LRP4: variants seen among roughly 807,000 people sequenced by gnomAD.
LRP4 encodes the protein LDL receptor related protein 4.
A neutral mutation model predicts 220.3 loss-of-function variants in LRP4; 95 were observed. The observed-to-expected ratio is 0.43, with a 90% CI of 0.37 to 0.51. The LOEUF is 0.51. LRP4 is among the 20% of genes least tolerant of loss of function. The probability of loss-of-function intolerance (pLI) is 0.00; values close to 1 mark genes in which losing one functional copy is unlikely to be tolerated. For missense variants in LRP4, 1,925 were observed against 2,567.0 expected (o/e 0.75, Z 5.40); for synonymous variants, 903 against 954.6 (o/e 0.95, Z 1.00).
At chr11:46,912,601 T>C (rs536620237) in intron 1 of LRP4, among the ~76,000 whole-genome samples, 4 of 152,224 alleles carry the variant, frequency 2.6e-5, no homozygotes, top group Non-Finnish European at 5.9e-5. Flanking sequence ...AAGCTGTCTC[T>C]TGTCCTCATC....
rs72897663 is a variant in LRP4 at position 46,894,628 on chromosome 11, T to G, written c.1501A>C (p.Asn501His). The change falls in exon 12 of 38, where the codon AAC becomes CAC. Residue 501 changes from asparagine to histidine, a missense_variant. Asn to His is a moderately conservative substitution (Grantham distance 68, BLOSUM62 1). This residue lies in a region of LRP4 where 269 missense variants were observed against 436.7 expected (regional missense o/e 0.62). Transcript: ENST00000378623. The stretch of plus-strand genomic sequence containing the variant: ...CCAGTAGACACAACCTCCTCCACGT[T>G]GCTGCCGTTGAGGTTGGCACGGAGG... ...RILRANLNGS[N>H]VEEVVSTGLE... 0.039 allele frequency: 62,738 copies of G among 1,613,212 alleles called. 1,459 individuals carry two copies. Among genetic ancestry groups the G allele is most frequent in the Middle Eastern group, 0.064 (388 of 6,058 alleles).
At chr11:46,906,598 C>T (rs1211138091) in intron 1 of LRP4, among the ~76,000 whole-genome samples, 1 of 152,084 alleles carries the variant, frequency 6.6e-6, no homozygotes, top group African/African-American at 2.4e-5. Context: ...GCTGTGGAGG[C>T]TAAATTTTTC....
chr11:46,864,651 G>A (rs1940648807), intron 35 of LRP4, 116 bp from the exon 36 acceptor site: 1 of 753,646 alleles, frequency 1.3e-6, no homozygotes, highest in Non-Finnish European at 2.4e-6. Context: ...CATACCATCT[G>A]AGGATGGCTA....
rs553598269 is a variant in LRP4 at position 46,893,128 on chromosome 11, C to A, written c.1542G>T (p.Gly514=). 6.2e-7 allele frequency: 1 copy of A among 1,614,150 alleles called. No homozygotes were observed. Among genetic ancestry groups the A allele is most frequent in the Admixed American group, 1.7e-5 (1 of 60,022 alleles). ...CATGGACCCAATCCACAGCCAGGCC[C>A]CCTGGTGAGAAGCAGCAGCAAAAAA... The part of the protein sequence containing the change: ...EVVSTGLESP[G]GLAVDWVHDK... The change falls in exon 13 of 38, where the codon GGG becomes GGT. Residue 514 remains glycine, a splice_region_variant and synonymous_variant. Coordinates refer to ENST00000378623, the MANE Select transcript of LRP4 (RefSeq NM_002334.4).
intron 13 of LRP4, among the ~76,000 whole-genome samples, chr11:46,891,069 A>G (rs1194569681): frequency 6.6e-6 from 1 of 152,132 alleles, no homozygotes; most frequent in Non-Finnish European, 1.5e-5. Context: ...ATGTAATATT[A>G]GGACAGGCAC....
chr11:46,868,310 G>A (rs1293108752), intron 33 of LRP4, among the ~76,000 whole-genome samples, 196 bp from the exon 34 acceptor site: 2 of 152,202 alleles, frequency 1.3e-5, no homozygotes, highest in Non-Finnish European at 2.9e-5. Context: ...TGGGACAGCT[G>A]GCTCACCAGT....
chr11:46,904,480 C>CATGGATGCATGGATGG (rs2134873156), intron 1 of LRP4, among the ~76,000 whole-genome samples: 1 of 151,252 alleles, frequency 6.6e-6, no homozygotes, highest in Non-Finnish European at 1.5e-5. Context: ...GCCTGCAATG[C>CATGGATGCATGGATGG]ATGGATGGAT....
chr11:46,888,548 C>CAAAAAAAAAAAAAAAAAAAAAAAAAA (rs71042635), intron 16 of LRP4, among the ~76,000 whole-genome samples: 2 of 31,310 alleles, frequency 6.4e-5, no homozygotes, highest in African/African-American at 7.3e-5. Flanking sequence ...AAAACTGTCT[C>CAAAAAAAAAAAAAAAAAAAAAAAAAA]AAAAAAAAAA....
chr11:46,878,737 T>C (rs1941077604), intron 22 of LRP4, among the ~76,000 whole-genome samples, 170 bp downstream of exon 22: 1 of 152,088 alleles, frequency 6.6e-6, no homozygotes, highest in African/African-American at 2.4e-5. Context: ...CCAGGGCCTC[T>C]CCCCAGGCCC....
At position 46,911,608 on chromosome 11, in the gene LRP4, A is replaced by AAAAAAAAAG. The variant is rs60596634; in HGVS notation, c.52+6719_52+6720insCTTTTTTTT. On this transcript the variant is annotated intron_variant, in intron 1 of 37. Coordinates refer to ENST00000378623, the MANE Select transcript of LRP4 (RefSeq NM_002334.4). ...TGTCTCAAAAAAAAAAAATAAATAA[A>AAAAAAAAAG]TAAATAAAAATAAAGTCTCTCTCCC... Among the ~76,000 whole-genome samples the AAAAAAAAAG allele has an allele frequency of 1.4e-5, 2 of 140,020 alleles. 1 individual carries two copies. The highest frequency in any genetic ancestry group is 5.5e-5 in the African/African-American group (2 of 36,364). 91.9% of individuals were successfully genotyped at this position (140,020 alleles called of 152,430 possible).
chr11:46,899,570 T>G lies in LRP4; in HGVS notation c.431-67A>C. 1 of 1,122,548 alleles carries G rather than the reference T, an allele frequency of 8.9e-7. No individual in the cohort carries two copies. The highest frequency in any genetic ancestry group is 2.3e-5 in the East Asian group (1 of 42,752). 69.5% of individuals were successfully genotyped at this position (1,122,548 alleles called of 1,614,324 possible). A position where few individuals can be genotyped will look rare whatever the true frequency, so the allele number is the denominator to read the frequency against. On this transcript the variant is annotated intron_variant, in intron 4 of 37. Transcript: ENST00000378623. This position sits in a 1 kb window ranked among gnomAD's most constrained non-coding sequence, Gnocchi z 5.9. ...CAGGCAACCCTCTCACCCTCCTCTC[T>G]GACTCCCAACCTCACTGGCTTTGGC... is the stretch of plus-strand genomic sequence containing the variant.
chr11:46,880,181 G>T (rs916294633), intron 20 of LRP4, among the ~76,000 whole-genome samples: 1 of 151,584 alleles, frequency 6.6e-6, no homozygotes, highest in Non-Finnish European at 1.5e-5. Context: ...CCAGATTAGA[G>T]AGTAAAGAGA....
At position 46,896,352 on chromosome 11, in the gene LRP4, T is replaced by A; in HGVS notation, c.923-17A>T. 6.2e-7 allele frequency: 1 copy of A among 1,612,480 alleles called. No individual in the cohort carries two copies. Among genetic ancestry groups the A allele is most frequent in the Non-Finnish European group, 8.5e-7 (1 of 1,179,932 alleles). ...GGGGGCTTCCTAGAGAGATGGAGGG[T>A]CAGGTCATAGCAAGGCAGGGCTTGG... On this transcript the variant is annotated splice_polypyrimidine_tract_variant and intron_variant, in intron 8 of 37. Coordinates refer to ENST00000378623, the MANE Select transcript of LRP4 (RefSeq NM_002334.4).
At chr11:46,908,761 C>T (rs762692398) in intron 1 of LRP4, among the ~76,000 whole-genome samples, 2 of 152,224 alleles carry the variant, frequency 1.3e-5, no homozygotes, top group Non-Finnish European at 2.9e-5. Context: ...GAAAGTCTGG[C>T]GTCCCAGCAC....
In LRP4 at chr11:46,902,676, CT is replaced by C. The variant is rs1227486584; in HGVS notation, c.199+106del. ...ATCAAGCTTGCAAAAGACCAACTCTCTGAGTCCGACACAGTTGATGCAGAAA... is the reference window on the plus strand; with the variant it reads ...ATCAAGCTTGCAAAAGACCAACTCTCGAGTCCGACACAGTTGATGCAGAAA... On this transcript the variant is annotated intron_variant, in intron 2 of 37. Transcript: ENST00000378623. 12 of 1,350,494 alleles carry C rather than the reference CT, an allele frequency of 8.9e-6. No individual in the cohort carries two copies. In the African/African-American group the frequency reaches 1.7e-4, roughly 19 times the overall value. The allele number at this position is 1,350,494 out of a possible 1,614,324, so 83.7% of individuals were successfully genotyped here. A position where few individuals can be genotyped will look rare whatever the true frequency, so the allele number is the denominator to read the frequency against.
intron 1 of LRP4, among the ~76,000 whole-genome samples, chr11:46,906,785 G>A (rs116855242): frequency 0.019 from 2,889 of 152,146 alleles, 37 homozygotes; most frequent in Middle Eastern, 0.044. Flanking sequence ...GATTTCCCCC[G>A]CGCAGACTGT....
At position 46,873,828 on chromosome 11, in the gene LRP4, T is replaced by C. The variant is rs1940936911; in HGVS notation, c.4230-235A>G. 5.8e-6 allele frequency: 3 copies of C among 513,564 alleles called. No homozygotes were observed. Among genetic ancestry groups the C allele is most frequent in the Non-Finnish European group, 1.0e-5 (3 of 292,252 alleles). The allele number at this position is 513,564 out of a possible 1,614,324, so 31.8% of individuals were successfully genotyped here. A position where few individuals can be genotyped will look rare whatever the true frequency, so the allele number is the denominator to read the frequency against. On this transcript the variant is annotated intron_variant, in intron 28 of 37. Coordinates refer to ENST00000378623, the MANE Select transcript of LRP4 (RefSeq NM_002334.4). The surrounding 1 kb of genome is among the most constrained non-coding windows in gnomAD (Gnocchi z 4.2). ...AGTATTTCCTGCTAACTGGACATAGTGGCGGTTGCCAGGGGATGTCTTGCT... is the reference window on the plus strand; with the variant it reads ...AGTATTTCCTGCTAACTGGACATAGCGGCGGTTGCCAGGGGATGTCTTGCT...
chr11:46,891,428 TACACACACACACACACACAC>T (rs57116396), intron 13 of LRP4, among the ~76,000 whole-genome samples: 1 of 147,086 alleles, frequency 6.8e-6, no homozygotes, highest in Non-Finnish European at 1.5e-5. Flanking sequence ...TTGTATTTTA[TACACACACACACACACACAC>T]ACACACACAC....
In LRP4 at chr11:46,892,980, T is replaced by C. The variant is rs761922378; in HGVS notation, c.1690A>G (p.Met564Val). The C allele has an allele frequency of 6.2e-7, 1 of 1,613,368 alleles. No individual in the cohort carries two copies. The highest frequency in any genetic ancestry group is 8.5e-7 in the Non-Finnish European group (1 of 1,179,934). ...GCCTGAGATACAACTTACCCCTCCA[T>C]GGGATGCAAGGCAATGGCCCGGGGC... is the stretch of plus-strand genomic sequence containing the variant. ...EKPRAIALHP[M>V]EGTIYWTDWG... The change falls in exon 13 of 38, where the codon ATG (methionine) becomes GTG (valine). Residue 564 changes from methionine to valine, a missense_variant. Coordinates refer to ENST00000378623, the MANE Select transcript of LRP4 (RefSeq NM_002334.4).
Sources: gnomAD v4.1 joint callset for allele counts (sites outside exome capture counted in the v4.1 genomes callset) on GRCh38, gnomAD v4.1.1 for gene constraint, gnomAD v4.1.1 regional missense constraint, Gnocchi (gnomAD v3.1) non-coding constraint, MANE v1.5 for transcripts, NCBI Gene and HGNC (gene_info 2026-07-23, HGNC 2026-07-21) for gene names.